MBD5: variants seen among roughly 807,000 people sequenced by gnomAD.
MBD5 encodes the protein methyl-CpG-binding domain protein 5.
Under a neutral mutation model 117.3 loss-of-function variants are expected in MBD5, and 13 were observed. The ratio of observed to expected loss-of-function variants is 0.11; its 90% CI spans 0.07 to 0.18. The LOEUF (loss-of-function observed/expected upper bound fraction) is 0.18. Ranked by LOEUF, MBD5 falls within the 10% of genes least tolerant of loss-of-function variation. The probability of loss-of-function intolerance (pLI) is 1.00; values close to 1 mark genes in which losing one functional copy is unlikely to be tolerated. For missense variants in MBD5, 1,879 were observed against 2,093.8 expected, an observed-to-expected ratio of 0.90 and a Z score of 2.00; for synonymous variants, 727 against 766.4, an observed-to-expected ratio of 0.95 and a Z score of 0.85.
chr2:148,307,848 G>C (rs1327485872), intron 3 of MBD5, among the ~76,000 whole-genome samples: 1 of 151,708 alleles, frequency 6.6e-6, no homozygotes, highest in Non-Finnish European at 1.5e-5. Flanking sequence ...GTGACCATAT[G>C]TTCTCATTGT....
At chr2:148,508,876 G>T (rs1213047105) in intron 12 of MBD5, among the ~76,000 whole-genome samples, 5 of 152,130 alleles carry the variant, frequency 3.3e-5, no homozygotes, top group Non-Finnish European at 5.9e-5. Flanking sequence ...TAGAACTCAG[G>T]GGTGGAAAAC....
At chr2:148,417,182 G>A (rs961991750) in intron 4 of MBD5, among the ~76,000 whole-genome samples, 2 of 151,936 alleles carry the variant, frequency 1.3e-5, no homozygotes, top group African/African-American at 4.8e-5. Flanking sequence ...GAGTGCAGTG[G>A]TGTGATCTTG....
In MBD5 at chr2:148,483,579, A is replaced by G; in HGVS notation, c.2988A>G (p.Gln996=). Residue 996 remains glutamine (Q), a synonymous_variant, in exon 9 of 14, where the codon CAA becomes CAG. Transcript: ENST00000642680. ...TCTTAGCAGCCTTGCTTCAGAACCAAGCCCAAGCAGCTGCCATGCTTCCCC... is the reference window on the plus strand; with the variant it reads ...TCTTAGCAGCCTTGCTTCAGAACCAGGCCCAAGCAGCTGCCATGCTTCCCC... ...FQLLAALLQN[Q]AQAAAMLPLP... 6.4e-7 allele frequency: 1 copy of G among 1,560,290 alleles called. No individual in the cohort carries two copies. Among genetic ancestry groups the G allele is most frequent in the Non-Finnish European group, 8.7e-7 (1 of 1,152,274 alleles).
intron 1 of MBD5, among the ~76,000 whole-genome samples, chr2:148,108,355 G>A (rs1696421803): frequency 6.6e-6 from 1 of 151,966 alleles, no homozygotes; most frequent in African/African-American, 2.4e-5. Flanking sequence ...TATAATTTTT[G>A]TGAAGATTAA....
At chr2:148,290,183 C>G (rs1008111949) in intron 3 of MBD5, among the ~76,000 whole-genome samples, 2 of 148,670 alleles carry the variant, frequency 1.3e-5, no homozygotes, top group Admixed American at 1.4e-4. Flanking sequence ...ATCTCGAATG[C>G]CTGACCTCAG....
chr2:148,482,776 C>T (rs902941610), intron 8 of MBD5, among the ~76,000 whole-genome samples: 19 of 152,272 alleles, frequency 1.2e-4, no homozygotes, highest in African/African-American at 4.3e-4. Flanking sequence ...CTCCCATCTT[C>T]CCCTTTCACT....
At chr2:148,424,006 A>G (rs1490010449) in intron 4 of MBD5, among the ~76,000 whole-genome samples, 4 of 151,420 alleles carry the variant, frequency 2.6e-5, no homozygotes, top group Non-Finnish European at 5.9e-5. Flanking sequence ...GTGAAACCCC[A>G]TCTCTACTAA....
intron 3 of MBD5, among the ~76,000 whole-genome samples, chr2:148,245,008 A>G (rs1700303265): frequency 6.6e-6 from 1 of 152,164 alleles, no homozygotes; most frequent in East Asian, 1.9e-4. Flanking sequence ...TGCTTTACAA[A>G]ATTATGAGGG....
At chr2:148,283,169 A>G (rs969332771) in intron 3 of MBD5, among the ~76,000 whole-genome samples, 7 of 152,140 alleles carry the variant, frequency 4.6e-5, no homozygotes, top group Admixed American at 1.3e-4. Flanking sequence ...TCAGAATGCA[A>G]TGTATAAACT....
chr2:148,320,238 A>C (rs10189852), intron 3 of MBD5, among the ~76,000 whole-genome samples: 1,915 of 152,280 alleles, frequency 0.013, 39 homozygotes, highest in African/African-American at 0.043. Context: ...TTTCAGTGCC[A>C]TACAGACCTC....
intron 4 of MBD5, among the ~76,000 whole-genome samples, chr2:148,416,620 A>AT (rs898878996): frequency 3.3e-5 from 5 of 151,596 alleles, no homozygotes; most frequent in African/African-American, 7.3e-5. Flanking sequence ...TATATATTTA[A>AT]TTTTTTTTTA....
intron 4 of MBD5, among the ~76,000 whole-genome samples, chr2:148,436,793 A>C (rs1236360100): frequency 6.6e-6 from 1 of 152,004 alleles, no homozygotes; most frequent in African/African-American, 2.4e-5. Flanking sequence ...TTTTAAATAT[A>C]TTAAATATTT....
chr2:148,051,035 G>C (rs377413276), intron 1 of MBD5, among the ~76,000 whole-genome samples: 2 of 152,218 alleles, frequency 1.3e-5, no homozygotes, highest in South Asian at 2.1e-4. Flanking sequence ...CTTAACAGTA[G>C]TAACTCTTCC....
At chr2:148,136,786 G>A (rs1370241408) in intron 1 of MBD5, among the ~76,000 whole-genome samples, 1 of 150,664 alleles carries the variant, frequency 6.6e-6, no homozygotes, top group Non-Finnish European at 1.5e-5. Context: ...TTTTGAGACA[G>A]AGTTTCACTC....
At chr2:148,186,116 T>TAAC (rs1698650673) in intron 2 of MBD5, among the ~76,000 whole-genome samples, 1 of 152,246 alleles carries the variant, frequency 6.6e-6, no homozygotes, top group Admixed American at 6.5e-5. Flanking sequence ...TAATACGGTT[T>TAAC]GGCTGTGTCA....
At chr2:148,064,001 T>C (rs1695109748) in intron 1 of MBD5, among the ~76,000 whole-genome samples, 1 of 152,036 alleles carries the variant, frequency 6.6e-6, no homozygotes. Context: ...ACTAGCAAAC[T>C]TGTTTCTCCT....
intron 8 of MBD5, chr2:148,472,554 T>A (rs1269882062): frequency 6.6e-6 from 1 of 152,150 alleles, no homozygotes; most frequent in Admixed American, 6.6e-5. Flanking sequence ...AATGCCATGT[T>A]TCTTTTTGCC....
At chr2:148,491,908 ACAATGTC>A (rs1429783038) in intron 11 of MBD5, among the ~76,000 whole-genome samples, 1 of 152,034 alleles carries the variant, frequency 6.6e-6, no homozygotes, top group Non-Finnish European at 1.5e-5. Flanking sequence ...GAACTGTTTT[ACAATGTC>A]TGTGCAAACG....
At chr2:148,060,144 A>AG (rs1694988998) in intron 1 of MBD5, among the ~76,000 whole-genome samples, 1 of 142,124 alleles carries the variant, frequency 7.0e-6, no homozygotes, top group African/African-American at 2.6e-5. Flanking sequence ...AAAAAAAAAA[A>AG]AAAAAAAAAA....
Sources: allele counts gnomAD v4.1 joint callset (sites outside exome capture counted in the v4.1 genomes callset), GRCh38; gene constraint gnomAD v4.1.1; transcripts MANE v1.5; gene names NCBI Gene and HGNC (gene_info 2026-07-23, HGNC 2026-07-21).